Variants in GPC6 observed in about 807,000 individuals in gnomAD.
GPC6 encodes glypican 6, also known as glypican-6.
Under a neutral mutation model 55.2 loss-of-function variants are expected in GPC6, and 14 were observed. The observed-to-expected ratio is 0.25, with a 90% CI of 0.17 to 0.40. The LOEUF (loss-of-function observed/expected upper bound fraction) is 0.40. Among genes scored for constraint, GPC6 ranks in the 10% least tolerant of loss-of-function variants. The pLI is 1.00. For missense variants in GPC6, 641 were observed against 708.5 expected, an observed-to-expected ratio of 0.90 and a Z score of 1.08; for synonymous variants, 278 against 259.6, an observed-to-expected ratio of 1.07 and a Z score of -0.68.
intron 6 of GPC6, 67 bp from the exon 7 acceptor site, chr13:94,382,347 G>C (rs867252815): frequency 6.4e-7 from 1 of 1,566,432 alleles, no homozygotes. Context: ...GCCTGCGTAC[G>C]TCCTTGTGTA....
intron 1 of GPC6, among the ~76,000 whole-genome samples, chr13:93,471,871 A>G (rs769973966): frequency 3.3e-5 from 5 of 152,188 alleles, no homozygotes; most frequent in Non-Finnish European, 7.3e-5. Context: ...AGAGTAACCT[A>G]TAAATGTCAA....
chr13:94,192,489 G>A (rs1333255), intron 4 of GPC6, among the ~76,000 whole-genome samples: 28,039 of 152,064 alleles, frequency 0.18, 3,422 homozygotes, highest in African/African-American at 0.31. Context: ...AGGGTACCAC[G>A]TAGTCAATCA....
intron 6 of GPC6, among the ~76,000 whole-genome samples, chr13:94,323,126 G>A (rs556229556): frequency 6.6e-6 from 1 of 152,240 alleles, no homozygotes; most frequent in African/African-American, 2.4e-5. Context: ...CTAGGGATGT[G>A]GCTCCCTTAA....
chr13:94,053,996 A>G (rs1186102632), intron 4 of GPC6, among the ~76,000 whole-genome samples: 1 of 152,110 alleles, frequency 6.6e-6, no homozygotes, highest in Admixed American at 6.5e-5. Flanking sequence ...ATTGGTGGAA[A>G]AGGTGCTGAA....
chr13:94,292,877 T>C (rs1875068526), intron 5 of GPC6, among the ~76,000 whole-genome samples: 1 of 152,212 alleles, frequency 6.6e-6, no homozygotes, highest in Non-Finnish European at 1.5e-5. Context: ...TTTTCTCTCC[T>C]ATTTGGCCCA....
intron 3 of GPC6, among the ~76,000 whole-genome samples, chr13:93,834,258 TC>T (rs1887649623): frequency 6.6e-6 from 1 of 152,198 alleles, no homozygotes; most frequent in Non-Finnish European, 1.5e-5. Context: ...TAAATGGTTA[TC>T]TCTTCACATC....
At chr13:94,118,029 A>G (rs1391384831) in intron 4 of GPC6, among the ~76,000 whole-genome samples, 1 of 152,122 alleles carries the variant, frequency 6.6e-6, no homozygotes, top group Non-Finnish European at 1.5e-5. Context: ...TAAAAGGAAG[A>G]TTTTAATGTA....
At chr13:93,831,386 T>A (rs566838467) in intron 3 of GPC6, among the ~76,000 whole-genome samples, 2 of 152,318 alleles carry the variant, frequency 1.3e-5, no homozygotes, top group South Asian at 4.2e-4. Context: ...GAAAGACAAT[T>A]ACTTAAAGAA....
At chr13:93,438,255 T>C (rs946442289) in intron 1 of GPC6, among the ~76,000 whole-genome samples, 2 of 152,202 alleles carry the variant, frequency 1.3e-5, no homozygotes, top group Non-Finnish European at 2.9e-5. Context: ...CTGCAGCCCA[T>C]AGATCAAGGA....
chr13:93,884,360 T>C (rs1875195015), intron 3 of GPC6, among the ~76,000 whole-genome samples: 1 of 152,136 alleles, frequency 6.6e-6, no homozygotes, highest in African/African-American at 2.4e-5. Context: ...TTCATCTTAT[T>C]AAATCTTTGT....
At chr13:93,446,163 C>T (rs1372768580) in intron 1 of GPC6, among the ~76,000 whole-genome samples, 2 of 152,088 alleles carry the variant, frequency 1.3e-5, no homozygotes, top group African/African-American at 4.8e-5. Context: ...TAAGGTTAAA[C>T]CTTCCAAGGT....
chr13:93,730,270 T>C (rs1404629531), intron 2 of GPC6, among the ~76,000 whole-genome samples: 3 of 152,180 alleles, frequency 2.0e-5, no homozygotes, highest in African/African-American at 7.2e-5. Context: ...CAGGAGACAG[T>C]GCTCTTAGGA....
intron 1 of GPC6, among the ~76,000 whole-genome samples, chr13:93,386,872 T>C (rs1039148606): frequency 1.3e-5 from 2 of 152,216 alleles, no homozygotes; most frequent in African/African-American, 4.8e-5. Context: ...GTTCTGTGAC[T>C]GTTTCAATCC....
intron 1 of GPC6, among the ~76,000 whole-genome samples, chr13:93,287,558 C>G (rs1878177683): frequency 6.6e-6 from 1 of 152,164 alleles, no homozygotes; most frequent in African/African-American, 2.4e-5. Flanking sequence ...ATCACTTCAA[C>G]CCATTCAAAA....
At chr13:93,762,248 T>G (rs1161606749) in intron 2 of GPC6, among the ~76,000 whole-genome samples, 2 of 152,160 alleles carry the variant, frequency 1.3e-5, no homozygotes, top group South Asian at 2.1e-4. Flanking sequence ...AATAAGAAAA[T>G]TAATATTCTT....
At chr13:93,593,831 G>A (rs949849684) in intron 2 of GPC6, among the ~76,000 whole-genome samples, 2 of 151,870 alleles carry the variant, frequency 1.3e-5, no homozygotes, top group African/African-American at 2.4e-5. Flanking sequence ...TGTATGCAGT[G>A]GAATTCAATA....
At chr13:93,541,082 A>G (rs1882277024) in intron 1 of GPC6, among the ~76,000 whole-genome samples, 1 of 151,528 alleles carries the variant, frequency 6.6e-6, no homozygotes, top group African/African-American at 2.4e-5. Flanking sequence ...TGTGCAGGTT[A>G]GTTACATATG....
chr13:93,669,009 G>T (rs1881253042), intron 2 of GPC6, among the ~76,000 whole-genome samples: 1 of 152,156 alleles, frequency 6.6e-6, no homozygotes. Context: ...TTTTAACATT[G>T]TGAGCAGTTT....
At chr13:94,082,733 T>A (rs1202036979) in intron 4 of GPC6, among the ~76,000 whole-genome samples, 1 of 152,164 alleles carries the variant, frequency 6.6e-6, no homozygotes, top group Non-Finnish European at 1.5e-5. Context: ...ATTTTCCTAG[T>A]TTATTTGATA....
Sources: gnomAD v4.1 joint callset for allele counts (sites outside exome capture counted in the v4.1 genomes callset) on GRCh38, gnomAD v4.1.1 for gene constraint, MANE v1.5 for transcripts, NCBI Gene and HGNC (gene_info 2026-07-23, HGNC 2026-07-21) for gene names.